The following PABPC4L variants were observed in gnomAD, a reference collection of about 807,000 sequenced individuals.
PABPC4L encodes the protein polyadenylate-binding protein 4-like.
For synonymous variants in PABPC4L, 169 were observed against 164.1 expected, an observed-to-expected ratio of 1.03 and a Z score of -0.23; for missense variants, 452 against 451.4, an observed-to-expected ratio of 1.00 and a Z score of -0.01.
At chr4:134,051,091 G>A in the PABPC4L span, among the ~76,000 whole-genome samples, 1 of 152,080 alleles carries the variant, frequency 6.6e-6, no homozygotes, top group African/African-American at 2.4e-5. Context: ...GTCATAAAAT[G>A]TAATAAAAAG....
At chr4:134,004,927 G>A in the PABPC4L span, among the ~76,000 whole-genome samples, 1 of 151,782 alleles carries the variant, frequency 6.6e-6, no homozygotes, top group Non-Finnish European at 1.5e-5. Flanking sequence ...GAACCAGAAA[G>A]TACATTGGTG....
the PABPC4L span, among the ~76,000 whole-genome samples, chr4:134,026,241 ATT>A: frequency 2.6e-4 from 38 of 145,830 alleles, no homozygotes; most frequent in Admixed American, 2.8e-4. Context: ...AATTTTTGCG[ATT>A]TTTTTTTTTT....
chr4:134,085,382 CAT>C, the PABPC4L span, among the ~76,000 whole-genome samples: 38 of 152,032 alleles, frequency 2.5e-4, no homozygotes, highest in Admixed American at 2.2e-3. Context: ...TCTATGTAAA[CAT>C]ATGTGACATA....
At chr4:133,990,114 A>AT in the PABPC4L span, among the ~76,000 whole-genome samples, 1 of 152,190 alleles carries the variant, frequency 6.6e-6, no homozygotes, top group Non-Finnish European at 1.5e-5. Context: ...GGGTGAGGAC[A>AT]CAGCCAAATC....
chr4:134,120,191 T>A, the PABPC4L span, among the ~76,000 whole-genome samples: 3 of 150,952 alleles, frequency 2.0e-5, no homozygotes, highest in African/African-American at 7.3e-5. Flanking sequence ...GTACTCTGAT[T>A]AGCATTATGT....
At chr4:133,997,473 T>C in the PABPC4L span, among the ~76,000 whole-genome samples, 1 of 150,272 alleles carries the variant, frequency 6.7e-6, no homozygotes, top group East Asian at 2.0e-4. Context: ...GATCAAGGAG[T>C]AATTCTGACT....
At chr4:134,013,078 A>T in the PABPC4L span, among the ~76,000 whole-genome samples, 2 of 151,910 alleles carry the variant, frequency 1.3e-5, no homozygotes, top group African/African-American at 4.8e-5. Context: ...CTTAGCAGCA[A>T]GTCCTGCTTT....
the PABPC4L span, among the ~76,000 whole-genome samples, chr4:134,019,747 A>G: frequency 6.6e-6 from 1 of 152,160 alleles, no homozygotes; most frequent in Non-Finnish European, 1.5e-5. Flanking sequence ...TAAACAATAC[A>G]TGTTGAATCT....
chr4:133,987,003 T>C, the PABPC4L span, among the ~76,000 whole-genome samples: 4 of 152,324 alleles, frequency 2.6e-5, no homozygotes, highest in East Asian at 7.7e-4. Context: ...CCCAAATTTC[T>C]GGGATTACAG....
the PABPC4L span, among the ~76,000 whole-genome samples, chr4:134,041,550 G>A: frequency 1.3e-5 from 2 of 151,980 alleles, no homozygotes; most frequent in African/African-American, 4.8e-5. Context: ...ATGTGGGGGT[G>A]GGGGCATCAC....
chr4:134,156,931 C>T, the PABPC4L span, among the ~76,000 whole-genome samples: 185 of 151,942 alleles, frequency 1.2e-3, no homozygotes, highest in African/African-American at 4.0e-3. Context: ...ATTTAGGTGA[C>T]AATTCCCTCA....
At chr4:134,166,734 C>T in the PABPC4L span, among the ~76,000 whole-genome samples, 1 of 152,082 alleles carries the variant, frequency 6.6e-6, no homozygotes, top group Non-Finnish European at 1.5e-5. Flanking sequence ...GATTTTTGTC[C>T]CTTCCTATTC....
At chr4:134,155,586 A>C in the PABPC4L span, among the ~76,000 whole-genome samples, 2 of 151,984 alleles carry the variant, frequency 1.3e-5, no homozygotes, top group Non-Finnish European at 2.9e-5. Context: ...TATTTTCATC[A>C]TTTTATTTGA....
At chr4:134,059,507 A>G in the PABPC4L span, among the ~76,000 whole-genome samples, 1 of 151,172 alleles carries the variant, frequency 6.6e-6, no homozygotes, top group African/African-American at 2.4e-5. Flanking sequence ...TATTCTCAGA[A>G]AGAAAATACT....
At chr4:134,049,646 A>C in the PABPC4L span, among the ~76,000 whole-genome samples, 1 of 152,188 alleles carries the variant, frequency 6.6e-6, no homozygotes, top group African/African-American at 2.4e-5. Context: ...ACTACTCTGC[A>C]GTGCTATTTG....
the PABPC4L span, among the ~76,000 whole-genome samples, chr4:134,181,544 A>G: frequency 6.6e-6 from 1 of 152,196 alleles, no homozygotes; most frequent in African/African-American, 2.4e-5. Flanking sequence ...ACTAAGAAAC[A>G]AAAGGCATCC....
At chr4:134,043,313 T>C in the PABPC4L span, among the ~76,000 whole-genome samples, 2 of 152,170 alleles carry the variant, frequency 1.3e-5, no homozygotes, top group African/African-American at 4.8e-5. Flanking sequence ...ATGAGGACTG[T>C]AGTTTTATCT....
chr4:134,049,999 G>A, the PABPC4L span, among the ~76,000 whole-genome samples: 1 of 152,130 alleles, frequency 6.6e-6, no homozygotes, highest in African/African-American at 2.4e-5. Flanking sequence ...GGTGGGATCA[G>A]ACTCATGTGT....
At chr4:134,186,523 T>A in the PABPC4L span, among the ~76,000 whole-genome samples, 537 of 152,058 alleles carry the variant, frequency 3.5e-3, 2 homozygotes, top group Non-Finnish European at 6.1e-3. Flanking sequence ...CTTCCTTACA[T>A]CTTATACAAA....
Sources: allele counts gnomAD v4.1 joint callset (sites outside exome capture counted in the v4.1 genomes callset), GRCh38; gene constraint gnomAD v4.1.1; transcripts MANE v1.5; gene names NCBI Gene and HGNC (gene_info 2026-07-23, HGNC 2026-07-21).